The following DLG2 variants were observed in gnomAD, a reference collection of about 807,000 sequenced individuals.
DLG2 encodes disks large homolog 2.
In DLG2, 45 loss-of-function variants were observed where a neutral mutation model predicts 132.5. That is an observed-to-expected ratio of 0.34 (90% CI 0.27 to 0.44). DLG2 has a LOEUF of 0.44. DLG2 is among the 20% of genes least tolerant of loss of function. The probability of loss-of-function intolerance (pLI) is 1.00; values close to 1 mark genes in which losing one functional copy is unlikely to be tolerated. For missense variants in DLG2, 1,045 were observed against 1,196.9 expected, an observed-to-expected ratio of 0.87 and a Z score of 1.87; for synonymous variants, 424 against 419.6, an observed-to-expected ratio of 1.01 and a Z score of -0.13.
At chr11:84,714,008 T>C (rs180684633) in intron 6 of DLG2, among the ~76,000 whole-genome samples, 2 of 152,136 alleles carry the variant, frequency 1.3e-5, no homozygotes, top group South Asian at 2.1e-4. Flanking sequence ...TTAAAATAAG[T>C]CATGTATAAA....
chr11:84,685,769 G>T (rs1303802314), intron 6 of DLG2, among the ~76,000 whole-genome samples: 1 of 151,842 alleles, frequency 6.6e-6, no homozygotes, highest in African/African-American at 2.4e-5. Flanking sequence ...GCAGTGGCGC[G>T]ATCTCGGCTC....
intron 24 of DLG2, among the ~76,000 whole-genome samples, chr11:83,469,908 A>G (rs74563409): frequency 1.0e-3 from 154 of 152,302 alleles, no homozygotes; most frequent in African/African-American, 3.5e-3. Context: ...GACTCTCAAC[A>G]TATATAAAAT....
intron 3 of DLG2, among the ~76,000 whole-genome samples, chr11:85,294,755 C>T (rs1268164625): frequency 6.6e-6 from 1 of 152,078 alleles, no homozygotes; most frequent in Non-Finnish European, 1.5e-5. Flanking sequence ...GTCACTTCTT[C>T]CATAAGAGTC....
At chr11:84,709,686 G>A (rs1408302223) in intron 6 of DLG2, among the ~76,000 whole-genome samples, 1 of 151,668 alleles carries the variant, frequency 6.6e-6, no homozygotes, top group Non-Finnish European at 1.5e-5. Context: ...TGGTACAGAG[G>A]GTAGAATAGG....
chr11:84,821,220 C>T (rs1467046552), intron 6 of DLG2, among the ~76,000 whole-genome samples: 2 of 151,798 alleles, frequency 1.3e-5, no homozygotes, highest in South Asian at 2.1e-4. Flanking sequence ...ACTGTGTCTT[C>T]CCAAAGACAG....
intron 6 of DLG2, among the ~76,000 whole-genome samples, chr11:84,663,247 A>ATTT (rs1360878163): frequency 1.3e-5 from 1 of 79,634 alleles, no homozygotes; most frequent in Non-Finnish European, 2.4e-5. Context: ...ATATATATAT[A>ATTT]TATTTTTTTT....
intron 6 of DLG2, among the ~76,000 whole-genome samples, chr11:84,970,518 T>A (rs2053957874): frequency 1.3e-5 from 2 of 152,210 alleles, no homozygotes; most frequent in African/African-American, 4.8e-5. Context: ...AGATGAAGAC[T>A]CCAGCAGATG....
intron 6 of DLG2, among the ~76,000 whole-genome samples, chr11:84,823,940 T>C (rs2078022624): frequency 6.6e-6 from 1 of 151,922 alleles, no homozygotes; most frequent in Non-Finnish European, 1.5e-5. Flanking sequence ...GCAAAAAATA[T>C]TGATTGAGTG....
intron 6 of DLG2, among the ~76,000 whole-genome samples, chr11:84,695,606 G>C (rs2058534931): frequency 6.6e-6 from 1 of 151,394 alleles, no homozygotes; most frequent in African/African-American, 2.4e-5. Flanking sequence ...TGCATGGAAT[G>C]GTTTTGTATC....
chr11:83,807,980 A>G (rs2046343112), intron 17 of DLG2, among the ~76,000 whole-genome samples: 1 of 152,112 alleles, frequency 6.6e-6, no homozygotes, highest in African/African-American at 2.4e-5. Flanking sequence ...CCTATCTTTG[A>G]CAGTCATCAA....
At chr11:83,467,872 G>A (rs2091425886) in intron 25 of DLG2, among the ~76,000 whole-genome samples, 2 of 139,070 alleles carry the variant, frequency 1.4e-5, no homozygotes, top group African/African-American at 5.4e-5. Context: ...TAAATTAAAT[G>A]CGGGTTAAAT....
chr11:84,618,256 A>C (rs2099607946), intron 6 of DLG2, among the ~76,000 whole-genome samples: 1 of 152,006 alleles, frequency 6.6e-6, no homozygotes, highest in South Asian at 2.1e-4. Context: ...AAGGGATTGT[A>C]CTTAATCCTG....
chr11:84,495,207 A>T (rs560911289), intron 7 of DLG2, among the ~76,000 whole-genome samples: 1 of 152,052 alleles, frequency 6.6e-6, no homozygotes, highest in East Asian at 1.9e-4. Flanking sequence ...CATTCTTGCT[A>T]TTTCTCTGAC....
At chr11:84,363,830 G>A (rs554455388) in intron 7 of DLG2, among the ~76,000 whole-genome samples, 2 of 151,686 alleles carry the variant, frequency 1.3e-5, no homozygotes, top group Non-Finnish European at 2.9e-5. Flanking sequence ...TAGATATGCG[G>A]CGTTATTTCT....
intron 3 of DLG2, among the ~76,000 whole-genome samples, chr11:85,335,598 G>A (rs2152847648): frequency 7.1e-6 from 1 of 141,756 alleles, no homozygotes; most frequent in South Asian, 2.3e-4. Context: ...TCTTGTAAGA[G>A]GCCTTATAGT....
chr11:83,773,103 T>A (rs540965023), intron 18 of DLG2, among the ~76,000 whole-genome samples: 1 of 152,340 alleles, frequency 6.6e-6, no homozygotes, highest in South Asian at 2.1e-4. Context: ...TCCAGCTAGT[T>A]ATTATTTGGA....
At chr11:85,488,390 A>C (rs949482063) in intron 3 of DLG2, among the ~76,000 whole-genome samples, 1 of 151,484 alleles carries the variant, frequency 6.6e-6, no homozygotes. Context: ...CTGCGTCTAA[A>C]AAAAAAAAAA....
chr11:84,273,306 GAAAAAAAAAAAAAA>G, intron 7 of DLG2: 1 of 787,142 alleles, frequency 1.3e-6, no homozygotes, highest in Non-Finnish European at 1.5e-6. Flanking sequence ...AGTTGAAGAG[GAAAAAAAAAAAAAA>G]AAAAAAAAAC....
chr11:85,486,692 T>A (rs1255417473), intron 3 of DLG2, among the ~76,000 whole-genome samples: 2 of 152,000 alleles, frequency 1.3e-5, no homozygotes, highest in Admixed American at 1.3e-4. Context: ...AACACCAGTA[T>A]GGATCACTTG....
Sources: allele counts gnomAD v4.1 joint callset (sites outside exome capture counted in the v4.1 genomes callset), GRCh38; gene constraint gnomAD v4.1.1; transcripts MANE v1.5; gene names NCBI Gene and HGNC (gene_info 2026-07-23, HGNC 2026-07-21).